PHC3: variants seen among roughly 807,000 people sequenced by gnomAD.
The protein encoded by PHC3 is polyhomeotic-like protein 3.
In PHC3, 13 loss-of-function variants were observed where a neutral mutation model predicts 107.4. The observed-to-expected ratio is 0.12, with a 90% CI of 0.08 to 0.19. PHC3 has a LOEUF of 0.19. Among genes scored for constraint, PHC3 ranks in the 10% least tolerant of loss-of-function variants. The pLI, the probability that PHC3 is intolerant of heterozygous loss-of-function variation, is 1.00. For synonymous variants in PHC3, 456 were observed against 427.4 expected, an observed-to-expected ratio of 1.07 and a Z score of -0.83; for missense variants, 992 against 1,210.9, an observed-to-expected ratio of 0.82 and a Z score of 2.68.
At chr3:170,158,467 T>G (rs755356806) in intron 4 of PHC3, among the ~76,000 whole-genome samples, 8 of 151,968 alleles carry the variant, frequency 5.3e-5, no homozygotes, top group Non-Finnish European at 1.0e-4. Context: ...CTGGACATAG[T>G]GGCAGGCACC....
At chr3:170,110,439 T>G (rs766864662) in intron 11 of PHC3, among the ~76,000 whole-genome samples, 4 of 152,198 alleles carry the variant, frequency 2.6e-5, no homozygotes, top group Non-Finnish European at 5.9e-5. Flanking sequence ...TGTTCTAATC[T>G]GAAATGTTCT....
In PHC3 at chr3:170,136,526, T is replaced by A. The variant is rs1241837219; in HGVS notation, c.812A>T (p.Gln271Leu). The change falls in exon 7 of 15, where the codon CAA becomes CTA. Residue 271 changes from glutamine (Q) to leucine (L), a missense_variant. This residue lies in a region of PHC3 where 543 missense variants were observed against 590.8 expected (regional missense o/e 0.92). Transcript: ENST00000495893. ...ATTACTTTCTGGAGAAGGATCTCGT[T>A]GGCTGATTTTAGAACTGGTCACTGT... ...KTTVTSSKIS[Q>L]RDPSPESNKK... is the part of the protein sequence containing the mutation. 6.2e-7 allele frequency: 1 copy of A among 1,610,106 alleles called. No homozygotes were observed. Among genetic ancestry groups the A allele is most frequent in the Non-Finnish European group, 8.5e-7 (1 of 1,178,578 alleles).
chr3:170,109,231 G>C (rs553767178), intron 11 of PHC3, among the ~76,000 whole-genome samples: 44 of 152,120 alleles, frequency 2.9e-4, no homozygotes, highest in Non-Finnish European at 5.6e-4. Context: ...TTCTCCCATA[G>C]TAACAAAACC....
chr3:170,133,398 C>T (rs545891379), intron 7 of PHC3, among the ~76,000 whole-genome samples: 2 of 151,964 alleles, frequency 1.3e-5, no homozygotes, highest in Non-Finnish European at 2.9e-5. Flanking sequence ...AGGATGGTCT[C>T]GATCTCTTGA....
At chr3:170,180,439 G>A (rs1174576078) in intron 1 of PHC3, among the ~76,000 whole-genome samples, 6 of 152,046 alleles carry the variant, frequency 3.9e-5, no homozygotes, top group Non-Finnish European at 8.8e-5. Flanking sequence ...ATAAGAGTGA[G>A]AGACGCTGTC....
rs763467497 is a variant in PHC3, at chr3:170,102,629, G to A, written c.2683C>T (p.Arg895Cys). 1.9e-6 allele frequency: 3 copies of A among 1,613,918 alleles called. No individual in the cohort carries two copies. Among genetic ancestry groups the A allele is most frequent in the African/African-American group, 1.3e-5 (1 of 75,034 alleles). ...TCTCTTTCCCGCTCGCTCTGCCTGC[G>A]CAGACGAGTTGTCATAGCAGATGGC... is the stretch of plus-strand genomic sequence containing the variant. ...SVPSAMTTRL[R>C]RQSERERERE... The change falls in exon 14 of 15, where the codon CGC becomes TGC. Residue 895 changes from arginine to cysteine, a missense_variant. Around this residue, in one of 6 missense-constraint regions of PHC3, gnomAD observed 228 missense variants for 288.8 expected, o/e 0.79. Transcript: ENST00000495893.
chr3:170,136,271 G>T, intron 7 of PHC3, 148 bp downstream of exon 7: 1 of 911,028 alleles, frequency 1.1e-6, no homozygotes, highest in Non-Finnish European at 1.6e-6. Context: ...CTCTTTTCAA[G>T]CTACACATTA....
intron 7 of PHC3, among the ~76,000 whole-genome samples, chr3:170,132,140 A>G (rs891714505): frequency 6.6e-6 from 1 of 152,246 alleles, no homozygotes; most frequent in Admixed American, 6.5e-5. Flanking sequence ...TCTTATTGTC[A>G]GGATGGCTTT....
intron 4 of PHC3, among the ~76,000 whole-genome samples, chr3:170,163,461 A>AGTGTGTGTGTGT (rs56986650): frequency 2.2e-4 from 32 of 146,316 alleles, no homozygotes; most frequent in African/African-American, 7.9e-4. Context: ...TTTAGTAAAG[A>AGTGTGTGTGTGT]GTGTGTGTGT....
At chr3:170,100,881 G>A (rs2111821) in intron 14 of PHC3, among the ~76,000 whole-genome samples, 35,642 of 151,970 alleles carry the variant, frequency 0.23, 5,137 homozygotes, top group South Asian at 0.39. Flanking sequence ...CTTCTGCAAA[G>A]GAAAAGAAAA....
At chr3:170,140,579 TTTTTC>T (rs1723889529) in intron 6 of PHC3, among the ~76,000 whole-genome samples, 1 of 139,456 alleles carries the variant, frequency 7.2e-6, no homozygotes, top group African/African-American at 2.8e-5. Flanking sequence ...TACTCATTTC[TTTTTC>T]TTTTTTTTTT....
Position 170,087,795 on chromosome 3 carries a change from G to T in PHC3, c.*9435C>A, listed in dbSNP as rs1339287566. ...AGCAAGTTAAGCAGCAGAGTATAAG[G>T]TGCTTTAATTTAATAGTTAATGTTG... On this transcript the variant is annotated 3_prime_UTR_variant, in exon 15 of 15. Coordinates refer to ENST00000495893, the MANE Select transcript of PHC3 (RefSeq NM_024947.4). The T allele has an allele frequency of 6.6e-6, 1 of 152,100 alleles. No homozygotes were observed. The highest frequency in any genetic ancestry group is 1.5e-5 in the Non-Finnish European group (1 of 68,004). The allele number at this position is 152,100 out of a possible 1,614,324, so 9.4% of individuals were successfully genotyped here.
At chr3:170,158,674 C>T (rs1210880414) in intron 4 of PHC3, among the ~76,000 whole-genome samples, 1 of 151,766 alleles carries the variant, frequency 6.6e-6, no homozygotes, top group African/African-American at 2.4e-5. Context: ...CACCTGTAAC[C>T]CCAGCACTCT....
chr3:170,100,348 G>C (rs753873284), intron 14 of PHC3, among the ~76,000 whole-genome samples: 34 of 152,098 alleles, frequency 2.2e-4, no homozygotes, highest in Non-Finnish European at 4.6e-4. Context: ...CAGAGAAGCA[G>C]AAAGAAATGA....
At chr3:170,164,932 T>C (rs1285500811) in intron 4 of PHC3, among the ~76,000 whole-genome samples, 2 of 152,152 alleles carry the variant, frequency 1.3e-5, no homozygotes, top group Admixed American at 1.3e-4. Flanking sequence ...ATTTTCCAAC[T>C]CCCTCAACCC....
rs1194301118 is a variant in PHC3, at chr3:170,091,586, C to T, written c.*5644G>A. On this transcript the variant is annotated 3_prime_UTR_variant, in exon 15 of 15. Coordinates refer to ENST00000495893, the MANE Select transcript of PHC3 (RefSeq NM_024947.4). ...CTGGAAAACATTTCCCAAATGTTCC[C>T]ATAAACATGACACTTGGAAGGGGTG... 1 of 152,054 alleles carries T rather than the reference C, an allele frequency of 6.6e-6. No homozygotes were observed. The highest frequency in any genetic ancestry group is 2.4e-5 in the African/African-American group (1 of 41,410). 9.4% of individuals were successfully genotyped at this position (152,054 alleles called of 1,614,324 possible).
intron 4 of PHC3, among the ~76,000 whole-genome samples, chr3:170,156,721 C>T (rs1726961347): frequency 6.6e-6 from 1 of 152,096 alleles, no homozygotes; most frequent in African/African-American, 2.4e-5. Flanking sequence ...CCTCAGCCTC[C>T]TGAGTAGCTG....
At chr3:170,098,506 T>C (rs1309970525) in intron 14 of PHC3, among the ~76,000 whole-genome samples, 1 of 152,212 alleles carries the variant, frequency 6.6e-6, no homozygotes, top group African/African-American at 2.4e-5. Flanking sequence ...CATCCTCTTG[T>C]TTATGTAAGA....
chr3:170,135,431 G>A (rs1268979627), intron 7 of PHC3, among the ~76,000 whole-genome samples: 1 of 150,670 alleles, frequency 6.6e-6, no homozygotes, highest in African/African-American at 2.4e-5. Flanking sequence ...GATTACAGGC[G>A]TGAGCCACTG....
Sources: gnomAD v4.1 joint callset for allele counts (sites outside exome capture counted in the v4.1 genomes callset) on GRCh38, gnomAD v4.1.1 for gene constraint, gnomAD v4.1.1 regional missense constraint, MANE v1.5 for transcripts, NCBI Gene and HGNC (gene_info 2026-07-23, HGNC 2026-07-21) for gene names.